Variants in PRKAR2A observed in about 807,000 individuals in gnomAD.
PRKAR2A encodes protein kinase cAMP-dependent type II regulatory subunit alpha.
A neutral mutation model predicts 51.9 loss-of-function variants in PRKAR2A; 29 were observed. The observed-to-expected ratio is 0.56, with a 90% CI of 0.42 to 0.76. The LOEUF is 0.76. PRKAR2A is among the 30% of genes least tolerant of loss of function. The probability of loss-of-function intolerance (pLI) is 0.00; values close to 1 mark genes in which losing one functional copy is unlikely to be tolerated. For missense variants in PRKAR2A, 445 were observed against 512.1 expected (o/e 0.87, Z 1.26); for synonymous variants, 178 against 186.2 (o/e 0.96, Z 0.36).
intron 10 of PRKAR2A, 137 bp downstream of exon 10, chr3:48,752,039 T>C: frequency 1.0e-6 from 1 of 972,452 alleles, no homozygotes; most frequent in Non-Finnish European, 1.5e-6. Context: ...CATCCATTCA[T>C]CCATCTCTGG....
At chr3:48,839,012 G>A (rs2083332931) in intron 1 of PRKAR2A, among the ~76,000 whole-genome samples, 1 of 151,924 alleles carries the variant, frequency 6.6e-6, no homozygotes, top group South Asian at 2.1e-4. Flanking sequence ...GGTTGGTCAG[G>A]TGCAGTGGCT....
chr3:48,768,553 C>A (rs1244802447), intron 6 of PRKAR2A, among the ~76,000 whole-genome samples: 15 of 151,112 alleles, frequency 9.9e-5, no homozygotes, highest in Admixed American at 9.9e-4. Flanking sequence ...CAAAAATTAG[C>A]TGGGCATGGT....
At chr3:48,786,155 C>A (rs531981100) in intron 4 of PRKAR2A, among the ~76,000 whole-genome samples, 1 of 145,166 alleles carries the variant, frequency 6.9e-6, no homozygotes, top group Non-Finnish European at 1.5e-5. Context: ...GACAGAGTCT[C>A]GCTCTGTCAC....
intron 2 of PRKAR2A, among the ~76,000 whole-genome samples, chr3:48,804,299 A>G (rs1376331389): frequency 6.6e-6 from 1 of 152,078 alleles, no homozygotes; most frequent in Admixed American, 6.6e-5. Context: ...TGTCTCCACT[A>G]AAAATACAAA....
intron 2 of PRKAR2A, among the ~76,000 whole-genome samples, chr3:48,800,881 G>A (rs1253234512): frequency 6.6e-6 from 1 of 151,952 alleles, no homozygotes; most frequent in Non-Finnish European, 1.5e-5. Context: ...CACCGTGTTA[G>A]CCAGGATGGT....
intron 1 of PRKAR2A, 42 bp from the exon 2 acceptor site, chr3:48,807,726 C>A (rs774860763): frequency 6.4e-7 from 1 of 1,560,628 alleles, no homozygotes; most frequent in African/African-American, 1.4e-5. Context: ...ATTATGTCAC[C>A]AGGCCGCATT....
intron 9 of PRKAR2A, among the ~76,000 whole-genome samples, chr3:48,754,378 C>T (rs76727658): frequency 8.4e-4 from 128 of 152,058 alleles, no homozygotes; most frequent in Non-Finnish European, 1.4e-3. Flanking sequence ...GCTGTGACTA[C>T]AGCTATGTGC....
Position 48,792,718 on chromosome 3 carries a change from C to T in PRKAR2A, c.351+1279G>A, listed in dbSNP as rs952072094. Among the ~76,000 whole-genome samples, 5 of 152,052 alleles carry T rather than the reference C, an allele frequency of 3.3e-5. No homozygotes were observed. In the South Asian group the frequency reaches 1.0e-3, roughly 32 times the overall value. On this transcript the variant is annotated intron_variant, in intron 3 of 10. Transcript: ENST00000265563. ...TCAGGTGATCCACCCGCCTCGGCCT[C>T]CCAAAGTGCTGGGATTACAGGCGTG...
chr3:48,793,636 G>T (rs1009784158), intron 3 of PRKAR2A, among the ~76,000 whole-genome samples: 6 of 151,566 alleles, frequency 4.0e-5, no homozygotes, highest in African/African-American at 1.5e-4. Flanking sequence ...TGTGAATACA[G>T]GCACATGCCA....
intron 1 of PRKAR2A, among the ~76,000 whole-genome samples, chr3:48,840,892 T>C (rs1202135420): frequency 7.1e-6 from 1 of 140,090 alleles, no homozygotes; most frequent in African/African-American, 2.7e-5. Context: ...TTTTTTTTTT[T>C]TTTTTTTTGA....
intron 2 of PRKAR2A, among the ~76,000 whole-genome samples, chr3:48,794,751 G>C (rs1417382214): frequency 6.6e-6 from 1 of 152,116 alleles, no homozygotes; most frequent in Non-Finnish European, 1.5e-5. Context: ...AAAGCAAGGT[G>C]AAGAAGAGTA....
chr3:48,762,044 A>T (rs1433665568), intron 8 of PRKAR2A, among the ~76,000 whole-genome samples: 1 of 152,264 alleles, frequency 6.6e-6, no homozygotes, highest in Non-Finnish European at 1.5e-5. Context: ...ATACAGCAGC[A>T]AAAGTACACA....
rs546213993 is a variant in PRKAR2A at position 48,773,755 on chromosome 3, C to T, written c.543-647G>A. Among the ~76,000 whole-genome samples the T allele has an allele frequency of 3.5e-3, 522 of 151,096 alleles. 3 individuals are homozygous for T. The highest frequency in any genetic ancestry group is 8.4e-3 in the African/African-American group (346 of 41,164). ...TTTAACTTAAACATATATATATATACACACACACACATATATACATACACA... is the reference window on the plus strand; with the variant it reads ...TTTAACTTAAACATATATATATATATACACACACACATATATACATACACA... On this transcript the variant is annotated intron_variant, in intron 5 of 10. Coordinates refer to ENST00000265563, the MANE Select transcript of PRKAR2A (RefSeq NM_004157.4).
At chr3:48,779,472 A>T (rs2082158913) in intron 5 of PRKAR2A, among the ~76,000 whole-genome samples, 1 of 151,940 alleles carries the variant, frequency 6.6e-6, no homozygotes, top group South Asian at 2.1e-4. Flanking sequence ...GGAGGTGGTA[A>T]TATAATTTTA....
At chr3:48,773,732 TAACTTA>T (rs764350293) in intron 5 of PRKAR2A, among the ~76,000 whole-genome samples, 36 of 151,790 alleles carry the variant, frequency 2.4e-4, no homozygotes, top group Non-Finnish European at 4.3e-4. Flanking sequence ...CCCCCATCTT[TAACTTA>T]AACATATATA....
intron 8 of PRKAR2A, among the ~76,000 whole-genome samples, chr3:48,757,368 T>C (rs2081788794): frequency 6.6e-6 from 1 of 152,090 alleles, no homozygotes; most frequent in Admixed American, 6.6e-5. Context: ...AAATAGAAAA[T>C]ATATCCGTTC....
chr3:48,758,605 A>T (rs1230787404), intron 8 of PRKAR2A, among the ~76,000 whole-genome samples: 1 of 151,866 alleles, frequency 6.6e-6, no homozygotes, highest in African/African-American at 2.4e-5. Context: ...AAAAAGAGAA[A>T]AGGAAAACAA....
At chr3:48,832,666 C>T (rs1038995259) in intron 1 of PRKAR2A, among the ~76,000 whole-genome samples, 3 of 151,918 alleles carry the variant, frequency 2.0e-5, no homozygotes, top group Non-Finnish European at 4.4e-5. Flanking sequence ...TATTACAAAA[C>T]GATTTTTTTT....
Position 48,837,451 on chromosome 3 carries a change from G to A in PRKAR2A, c.262+9884C>T, listed in dbSNP as rs991698136. On this transcript the variant is annotated intron_variant, in intron 1 of 10. Transcript: ENST00000265563. ...TATAATAATTTTAGAAGACAGATAC[G>A]TTCAGACAAGGATGTAGAGGAATTA... Among the ~76,000 whole-genome samples, 4 of 152,278 alleles carry A rather than the reference G, an allele frequency of 2.6e-5. No homozygotes were observed. In the East Asian group the frequency reaches 5.8e-4, roughly 22 times the overall value.
Sources: allele counts gnomAD v4.1 joint callset (sites outside exome capture counted in the v4.1 genomes callset), GRCh38; gene constraint gnomAD v4.1.1; transcripts MANE v1.5; gene names NCBI Gene and HGNC (gene_info 2026-07-23, HGNC 2026-07-21).